The following HCN1 variants were observed in gnomAD, a reference collection of about 807,000 sequenced individuals.
The protein encoded by HCN1 is potassium/sodium hyperpolarization-activated cyclic nucleotide-gated channel 1.
Under a neutral mutation model 78.9 loss-of-function variants are expected in HCN1, and 13 were observed. The observed-to-expected ratio is 0.16, with a 90% CI of 0.11 to 0.26. The LOEUF (loss-of-function observed/expected upper bound fraction) is 0.26. Ranked by LOEUF, HCN1 falls within the 10% of genes least tolerant of loss-of-function variation. The probability of loss-of-function intolerance (pLI) is 1.00; values close to 1 mark genes in which losing one functional copy is unlikely to be tolerated. For missense variants in HCN1, 810 were observed against 1,154.3 expected, an observed-to-expected ratio of 0.70 and a Z score of 4.32; for synonymous variants, 552 against 455.5, an observed-to-expected ratio of 1.21 and a Z score of -2.70.
At chr5:45,618,181 T>C (rs1464159527) in intron 2 of HCN1, among the ~76,000 whole-genome samples, 1 of 152,092 alleles carries the variant, frequency 6.6e-6, no homozygotes, top group Non-Finnish European at 1.5e-5. Context: ...AAGCCATTGT[T>C]GCACTGAAAA....
At chr5:45,478,434 T>A (rs1282546562) in intron 2 of HCN1, among the ~76,000 whole-genome samples, 1 of 152,160 alleles carries the variant, frequency 6.6e-6, no homozygotes, top group Non-Finnish European at 1.5e-5. Context: ...CAATGTCAGA[T>A]CAGTTAACAC....
At chr5:45,491,880 C>T (rs1457387634) in intron 2 of HCN1, among the ~76,000 whole-genome samples, 1 of 152,088 alleles carries the variant, frequency 6.6e-6, no homozygotes. Flanking sequence ...TTCATGAATT[C>T]AAGATCTGAC....
At chr5:45,263,650 G>A (rs1744794431) in intron 7 of HCN1, among the ~76,000 whole-genome samples, 1 of 151,928 alleles carries the variant, frequency 6.6e-6, no homozygotes, top group Admixed American at 6.6e-5. Flanking sequence ...TCTTATCTCT[G>A]GAGCTTTAAA....
chr5:45,403,648 A>G (rs1040804532), intron 3 of HCN1, among the ~76,000 whole-genome samples: 34 of 152,268 alleles, frequency 2.2e-4, no homozygotes, highest in African/African-American at 8.2e-4. Context: ...GCATGTGGGG[A>G]TTATGAGAAC....
At chr5:45,512,932 A>G (rs1019495570) in intron 2 of HCN1, among the ~76,000 whole-genome samples, 1 of 152,156 alleles carries the variant, frequency 6.6e-6, no homozygotes, top group Non-Finnish European at 1.5e-5. Context: ...TTATTTATCA[A>G]CGCCCATTTA....
intron 2 of HCN1, among the ~76,000 whole-genome samples, chr5:45,593,440 T>A (rs1361944613): frequency 2.0e-5 from 3 of 151,696 alleles, no homozygotes; most frequent in African/African-American, 4.8e-5. Context: ...TAACCTCTTA[T>A]CCCTGATGGT....
chr5:45,360,034 T>C (rs560311231), intron 4 of HCN1, among the ~76,000 whole-genome samples: 135 of 150,880 alleles, frequency 8.9e-4, no homozygotes, highest in African/African-American at 3.1e-3. Flanking sequence ...CTGGGTGCCA[T>C]GAAAATTAGT....
At chr5:45,683,845 A>C (rs893641800) in intron 1 of HCN1, among the ~76,000 whole-genome samples, 1 of 151,766 alleles carries the variant, frequency 6.6e-6, no homozygotes, top group Non-Finnish European at 1.5e-5. Context: ...TAATTTTTGT[A>C]TATTTTGTAG....
chr5:45,665,310 AG>A (rs1397109276), intron 1 of HCN1, among the ~76,000 whole-genome samples: 1 of 58,320 alleles, frequency 1.7e-5, no homozygotes, highest in Non-Finnish European at 3.2e-5. Flanking sequence ...GGGTGGGGGG[AG>A]GGGGGAGGGA....
Position 45,427,884 on chromosome 5 carries a change from G to A in HCN1, c.1012-31174C>T, listed in dbSNP as rs116315538. Among the ~76,000 whole-genome samples the A allele has an allele frequency of 5.6e-3, 852 of 152,168 alleles. 6 individuals are homozygous for A. Among genetic ancestry groups the A allele is most frequent in the Non-Finnish European group, 8.8e-3 (596 of 67,920 alleles). On this transcript the variant is annotated intron_variant, in intron 3 of 7. Coordinates refer to ENST00000303230, the MANE Select transcript of HCN1 (RefSeq NM_021072.4). ...AGATCCTGCTTTGCTATGATTGTATGAAGATAGTTTTTTCATTATGCTCCA... is the reference window on the plus strand; with the variant it reads ...AGATCCTGCTTTGCTATGATTGTATAAAGATAGTTTTTTCATTATGCTCCA...
intron 2 of HCN1, among the ~76,000 whole-genome samples, chr5:45,568,003 T>C (rs1579974080): frequency 6.6e-6 from 1 of 151,838 alleles, no homozygotes; most frequent in East Asian, 1.9e-4. Flanking sequence ...TTGCTCAAAA[T>C]TATAGTGTTA....
intron 1 of HCN1, among the ~76,000 whole-genome samples, chr5:45,650,102 C>T (rs1382671074): frequency 6.6e-6 from 1 of 152,072 alleles, no homozygotes. Context: ...TGTAAAAGAA[C>T]TTGCTTGGAC....
intron 2 of HCN1, among the ~76,000 whole-genome samples, chr5:45,570,715 G>A (rs1743810578): frequency 6.6e-6 from 1 of 152,034 alleles, no homozygotes; most frequent in Admixed American, 6.6e-5. Flanking sequence ...AACATTGTTA[G>A]TGCCTTACTT....
chr5:45,279,040 TC>T (rs1269755723), intron 6 of HCN1, among the ~76,000 whole-genome samples: 1 of 152,134 alleles, frequency 6.6e-6, no homozygotes, highest in Non-Finnish European at 1.5e-5. Context: ...TACATTTTTT[TC>T]CTTACAAATA....
In HCN1 at chr5:45,373,009, T is replaced by C. The variant is rs1008309991; in HGVS notation, c.1231-19763A>G. Among the ~76,000 whole-genome samples the C allele has an allele frequency of 1.0e-4, 14 of 137,028 alleles. No individual in the cohort carries two copies. In the East Asian group the frequency reaches 2.8e-3, roughly 28 times the overall value. 89.9% of individuals were successfully genotyped at this position (137,028 alleles called of 152,430 possible). A position where few individuals can be genotyped will look rare whatever the true frequency, so the allele number is the denominator to read the frequency against. On this transcript the variant is annotated intron_variant, in intron 4 of 7. Transcript: ENST00000303230. ...AATAATATATAAAAATAAAATTATA[T>C]AAAATATATATATTTTACATATATT...
intron 3 of HCN1, among the ~76,000 whole-genome samples, chr5:45,416,719 A>C (rs1740126217): frequency 6.6e-6 from 1 of 151,992 alleles, no homozygotes; most frequent in African/African-American, 2.4e-5. Flanking sequence ...TTTCACTTTC[A>C]TAAACAATTA....
At chr5:45,311,318 T>C (rs1745847946) in intron 5 of HCN1, among the ~76,000 whole-genome samples, 1 of 152,196 alleles carries the variant, frequency 6.6e-6, no homozygotes, top group Admixed American at 6.5e-5. Flanking sequence ...AGCATCAATA[T>C]GGTTTTTATT....
rs1374925949 is a variant in HCN1 at position 45,695,871 on chromosome 5, C to G, written c.223G>C (p.Glu75Gln). ...GGGGGGGGGG[E>Q]EPAGGFEDAE... is the part of the protein sequence containing the mutation. ...TCTTCGAAGCCCCCCGCCGGCTCCT[C>G]GCCGCCGCCGCCGCCGCCGCCACCG... The change falls in exon 1 of 8, where the codon GAG (glutamate) becomes CAG (glutamine). Residue 75 changes from glutamate to glutamine, a missense_variant. Physicochemically the swap from Glu to Gln is conservative, Grantham distance 29. Around this residue, in one of 6 missense-constraint regions of HCN1, gnomAD observed 170 missense variants for 166.8 expected, o/e 1.02. Transcript: ENST00000303230. 8.4e-6 allele frequency: 12 copies of G among 1,426,526 alleles called. No homozygotes were observed. The highest frequency in any genetic ancestry group is 1.1e-5 in the Non-Finnish European group (12 of 1,080,812). The allele number at this position is 1,426,526 out of a possible 1,614,324, so 88.4% of individuals were successfully genotyped here.
intron 4 of HCN1, among the ~76,000 whole-genome samples, chr5:45,392,578 T>C (rs1405750029): frequency 1.3e-5 from 2 of 152,152 alleles, no homozygotes. Flanking sequence ...GGCTCATGCC[T>C]GTAACCCTAG....
Sources: allele counts gnomAD v4.1 joint callset (sites outside exome capture counted in the v4.1 genomes callset), GRCh38; gene constraint gnomAD v4.1.1; regional missense constraint gnomAD v4.1.1; transcripts MANE v1.5; gene names NCBI Gene and HGNC (gene_info 2026-07-23, HGNC 2026-07-21).